CLCN4: variants seen among roughly 807,000 people sequenced by gnomAD.
The protein encoded by CLCN4 is Cl-/H+ antiporter 4.
A neutral mutation model predicts 41.7 loss-of-function variants in CLCN4; 1 was observed. The ratio of observed to expected loss-of-function variants is 0.02; its 90% CI spans 0.01 to 0.11. The LOEUF (loss-of-function observed/expected upper bound fraction) is 0.11. Ranked by LOEUF, CLCN4 falls within the 10% of genes least tolerant of loss-of-function variation. The pLI is 1.00. For missense variants in CLCN4, 287 were observed against 661.0 expected, an observed-to-expected ratio of 0.43 and a Z score of 6.20; for synonymous variants, 277 against 285.8, an observed-to-expected ratio of 0.97 and a Z score of 0.31.
chrX:10,185,131 C>T lies in CLCN4; in HGVS notation c.99C>T (p.Ile33=), dbSNP rs758152688. ...GGACGTATGAGGACTTCCACACCAT[C>T]GACTGGCTAAGGGAAAAGTCACGGG... ...DVGTYEDFHT[I]DWLREKSRDT... is the part of the protein sequence containing the mutation. Residue 33 remains isoleucine, a synonymous_variant, in exon 3 of 13, where the codon ATC becomes ATT. Coordinates refer to ENST00000380833, the MANE Select transcript of CLCN4 (RefSeq NM_001830.4). 9 of 1,207,088 alleles carry T rather than the reference C, an allele frequency of 7.5e-6. No individual in the cohort carries two copies. The highest frequency in any genetic ancestry group is 7.1e-5 in the South Asian group (4 of 56,464).
intron 2 of CLCN4, among the ~76,000 whole-genome samples, chrX:10,176,927 G>C (rs901261528): frequency 8.9e-6 from 1 of 111,788 alleles, no homozygotes; most frequent in African/African-American, 3.3e-5. Flanking sequence ...AAGTGTAATG[G>C]CTCCAGATGG....
rs1179225457 is a variant in CLCN4 at position 10,220,641 on chromosome X, T to C, written c.1976-20T>C. 1.7e-6 allele frequency: 2 copies of C among 1,182,647 alleles called. No homozygotes were observed. Among genetic ancestry groups the C allele is most frequent in the Middle Eastern group, 4.7e-4 (2 of 4,287 alleles). ...AAGGGGTTTTTGTGTGGCTCATTGTTCCTGCTCACCCCATTCTAGAGAACG... is the reference window on the plus strand; with the variant it reads ...AAGGGGTTTTTGTGTGGCTCATTGTCCCTGCTCACCCCATTCTAGAGAACG... On this transcript the variant is annotated intron_variant, in intron 11 of 12. Coordinates refer to ENST00000380833, the MANE Select transcript of CLCN4 (RefSeq NM_001830.4).
chrX:10,210,650 CTT>C (rs34763016), intron 9 of CLCN4, among the ~76,000 whole-genome samples: 2 of 75,037 alleles, frequency 2.7e-5, no homozygotes, highest in Admixed American at 1.6e-4. Flanking sequence ...CCTGAATTGT[CTT>C]TTTTTTTTTT....
intron 12 of CLCN4, among the ~76,000 whole-genome samples, chrX:10,228,696 T>A: frequency 8.9e-6 from 1 of 111,734 alleles, no homozygotes; most frequent in Middle Eastern, 4.6e-3. Context: ...ATAGTCAAAG[T>A]GTTTAAGAGC....
intron 12 of CLCN4, among the ~76,000 whole-genome samples, chrX:10,232,869 T>A (rs1364716480): frequency 9.0e-6 from 1 of 111,027 alleles, no homozygotes; most frequent in Admixed American, 9.6e-5. Context: ...AGAAGGCAAT[T>A]TACGTATATA....
At chrX:10,168,346 G>A (rs972192757) in intron 2 of CLCN4, among the ~76,000 whole-genome samples, 2 of 111,759 alleles carry the variant, frequency 1.8e-5, no homozygotes, top group Non-Finnish European at 3.8e-5. Flanking sequence ...GCCACAGCCT[G>A]TAATGCAATG....
intron 12 of CLCN4, among the ~76,000 whole-genome samples, chrX:10,224,942 A>G (rs1418032962): frequency 1.8e-5 from 2 of 112,041 alleles, no homozygotes; most frequent in Non-Finnish European, 3.8e-5. Context: ...TTATGGCTGC[A>G]TCGTATTCCA....
intron 2 of CLCN4, among the ~76,000 whole-genome samples, chrX:10,176,894 G>A (rs764969866): frequency 8.9e-6 from 1 of 112,016 alleles, no homozygotes; most frequent in Non-Finnish European, 1.9e-5. Context: ...TTTATGGACG[G>A]TGTAAATACT....
chrX:10,162,350 T>G (rs1265297925), intron 2 of CLCN4, among the ~76,000 whole-genome samples: 1 of 111,446 alleles, frequency 9.0e-6, no homozygotes, highest in African/African-American at 3.3e-5. Flanking sequence ...TGCAGCCCTG[T>G]GAGACACCTT....
At chrX:10,190,577 A>C (rs2147170150) in intron 4 of CLCN4, among the ~76,000 whole-genome samples, 1 of 111,814 alleles carries the variant, frequency 8.9e-6, no homozygotes, top group East Asian at 2.8e-4. Context: ...GTGTTTACTT[A>C]GCTGACTCTG....
At chrX:10,184,949 C>T in intron 2 of CLCN4, 73 bp from the exon 3 acceptor site, 1 of 850,641 alleles carries the variant, frequency 1.2e-6, no homozygotes, top group Non-Finnish European at 1.6e-6. Context: ...GAAAATAGGG[C>T]ACATGGACTA....
intron 9 of CLCN4, among the ~76,000 whole-genome samples, chrX:10,210,957 T>C (rs1452469649): frequency 1.2e-4 from 9 of 76,282 alleles, no homozygotes; most frequent in African/African-American, 1.9e-4. Context: ...CTGAATTGTC[T>C]TTTTTTTTTT....
At chrX:10,224,000 T>C (rs1045996589) in intron 12 of CLCN4, among the ~76,000 whole-genome samples, 1 of 112,062 alleles carries the variant, frequency 8.9e-6, no homozygotes, top group African/African-American at 3.2e-5. Context: ...GGACATTTCA[T>C]GCCACTAACG....
intron 11 of CLCN4, among the ~76,000 whole-genome samples, chrX:10,216,590 C>G (rs1465768230): frequency 9.1e-6 from 1 of 110,392 alleles, no homozygotes; most frequent in African/African-American, 3.3e-5. Context: ...AGGAAACTCT[C>G]AGGTTTTTTT....
intron 2 of CLCN4, among the ~76,000 whole-genome samples, chrX:10,180,213 G>A (rs933881229): frequency 8.9e-6 from 1 of 111,771 alleles, no homozygotes; most frequent in Non-Finnish European, 1.9e-5. Flanking sequence ...GGTTGGTTGT[G>A]TGTTTTAAAA....
chrX:10,183,903 C>A (rs769074737), intron 2 of CLCN4, among the ~76,000 whole-genome samples: 1 of 112,478 alleles, frequency 8.9e-6, no homozygotes, highest in Non-Finnish European at 1.9e-5. Context: ...CCCAGGGCAG[C>A]GTGCCACCAG....
chrX:10,229,307 C>A (rs1925064123), intron 12 of CLCN4, among the ~76,000 whole-genome samples: 1 of 110,459 alleles, frequency 9.1e-6, no homozygotes, highest in South Asian at 3.8e-4. Context: ...TGGGAGGAAA[C>A]CTTGTTTAAA....
At chrX:10,225,234 C>T (rs946444578) in intron 12 of CLCN4, among the ~76,000 whole-genome samples, 1 of 111,910 alleles carries the variant, frequency 8.9e-6, no homozygotes, top group Non-Finnish European at 1.9e-5. Context: ...TCCTGTTTCT[C>T]CACACTCTTG....
At chrX:10,212,395 TG>T in intron 9 of CLCN4, 71 bp from the exon 10 acceptor site, 1 of 1,016,664 alleles carries the variant, frequency 9.8e-7, no homozygotes, top group Non-Finnish European at 1.4e-6. Context: ...AGGGGGAATG[TG>T]TTTCTTGGGG....
Sources: gnomAD v4.1 joint callset for allele counts (sites outside exome capture counted in the v4.1 genomes callset) on GRCh38, gnomAD v4.1.1 for gene constraint, MANE v1.5 for transcripts, NCBI Gene and HGNC (gene_info 2026-07-23, HGNC 2026-07-21) for gene names.